ZMYND11: variants seen among roughly 807,000 people sequenced by gnomAD.
The protein encoded by ZMYND11 is zinc finger MYND-type containing 11.
Under a neutral mutation model 84.9 loss-of-function variants are expected in ZMYND11, and 9 were observed. That is an observed-to-expected ratio of 0.11 (90% CI 0.06 to 0.18). The LOEUF (loss-of-function observed/expected upper bound fraction) is 0.18. ZMYND11 is among the 10% of genes least tolerant of loss of function. The probability of loss-of-function intolerance (pLI) is 1.00; values close to 1 mark genes in which losing one functional copy is unlikely to be tolerated. For missense variants in ZMYND11, 409 were observed against 761.0 expected, an observed-to-expected ratio of 0.54 and a Z score of 5.44; for synonymous variants, 250 against 244.1, an observed-to-expected ratio of 1.02 and a Z score of -0.23.
intron 1 of ZMYND11, among the ~76,000 whole-genome samples, chr10:140,849 T>G (rs1184754722): frequency 1.3e-5 from 2 of 152,218 alleles, no homozygotes; most frequent in East Asian, 3.8e-4. Context: ...TCATTTAATG[T>G]TGGTAACATC....
intron 7 of ZMYND11, 113 bp from the exon 8 acceptor site, chr10:239,943 T>C: frequency 1.2e-6 from 1 of 801,580 alleles, no homozygotes; most frequent in Non-Finnish European, 2.0e-6. Flanking sequence ...AAATGGACAT[T>C]TTGGTTTGAA....
At chr10:133,380 C>T (rs576467855), upstream of ZMYND11, among the ~76,000 whole-genome samples, 2 of 152,178 alleles carry the variant, frequency 1.3e-5, no homozygotes, top group East Asian at 3.9e-4. Flanking sequence ...GGATAAATAC[C>T]ACCTTACTTG....
intron 2 of ZMYND11, among the ~76,000 whole-genome samples, chr10:204,686 C>G (rs1943823038): frequency 6.6e-6 from 1 of 152,004 alleles, no homozygotes; most frequent in African/African-American, 2.4e-5. Flanking sequence ...AGTATTTACT[C>G]ATTCTTGTTT....
Position 248,530 on chromosome 10 carries a change from C to A in ZMYND11, c.1422C>A (p.Ile474=). ...QSMCHDKYTK[I]FNDFKDRMKS... ...TGTGCCATGACAAATACACCAAGAT[C>A]TTCAATGACTTCAAAGACCGGATGA... The change falls in exon 13 of 15, where the codon ATC becomes ATA. Residue 474 remains isoleucine (I), a synonymous_variant. Transcript: ENST00000381604. 1 of 1,614,098 alleles carries A rather than the reference C, an allele frequency of 6.2e-7. No individual in the cohort carries two copies. Among genetic ancestry groups the A allele is most frequent in the Non-Finnish European group, 8.5e-7 (1 of 1,180,034 alleles).
chr10:141,561 T>A (rs1403435177), intron 1 of ZMYND11, among the ~76,000 whole-genome samples: 2 of 152,212 alleles, frequency 1.3e-5, no homozygotes, highest in African/African-American at 4.8e-5. Flanking sequence ...GATTTAAAAT[T>A]TATCCCAATT....
chr10:240,257 G>A, intron 8 of ZMYND11, 146 bp downstream of exon 8: 2 of 646,802 alleles, frequency 3.1e-6, no homozygotes, highest in Admixed American at 3.5e-5. Context: ...TGTAATCCCA[G>A]CACTTTGGGA....
At chr10:211,764 CTT>C (rs551213431) in intron 3 of ZMYND11, among the ~76,000 whole-genome samples, 23 of 152,268 alleles carry the variant, frequency 1.5e-4, no homozygotes, top group Non-Finnish European at 2.8e-4. Flanking sequence ...AAGTGGAAAT[CTT>C]TATATAAGAA....
intron 1 of ZMYND11, among the ~76,000 whole-genome samples, chr10:169,651 C>T (rs1314600238): frequency 1.3e-5 from 2 of 152,030 alleles, no homozygotes; most frequent in African/African-American, 4.8e-5. Flanking sequence ...CCGTAAAAAG[C>T]CTTTGGTGGG....
chr10:175,544 G>T (rs1393741596), intron 1 of ZMYND11, among the ~76,000 whole-genome samples: 4 of 152,036 alleles, frequency 2.6e-5, no homozygotes, highest in Non-Finnish European at 4.4e-5. Context: ...ACTCCAGCCT[G>T]GGTGACAAGA....
rs1387192028 is a variant in ZMYND11, at chr10:135,758, G to A, written c.-20+199G>A. Among the ~76,000 whole-genome samples, 1 of 147,622 alleles carries A rather than the reference G, an allele frequency of 6.8e-6. No homozygotes were observed. ...GGATGGCGGGGCGGGCCGGGCCGGCGGGGCCTGCGAGGGCGGCGGCGGGGC... is the reference window on the plus strand; with the variant it reads ...GGATGGCGGGGCGGGCCGGGCCGGCAGGGCCTGCGAGGGCGGCGGCGGGGC... On this transcript the variant is annotated intron_variant, in intron 1 of 14. Transcript: ENST00000381604. This position sits in a 1 kb window ranked among gnomAD's most constrained non-coding sequence, Gnocchi z 5.6.
chr10:195,631 A>G (rs964256222), intron 2 of ZMYND11, among the ~76,000 whole-genome samples: 1 of 152,232 alleles, frequency 6.6e-6, no homozygotes, highest in Non-Finnish European at 1.5e-5. Context: ...ACTGCACAGC[A>G]TGTTTTTAAG....
At chr10:191,981 T>C (rs781606019) in intron 2 of ZMYND11, among the ~76,000 whole-genome samples, 2 of 152,224 alleles carry the variant, frequency 1.3e-5, no homozygotes, top group African/African-American at 2.4e-5. Context: ...TACGTTATCT[T>C]ATTTACCCTC....
At position 159,106 on chromosome 10, in the gene ZMYND11, CATG is replaced by C. The variant is rs1426389028; in HGVS notation, c.-19-20885_-19-20883del. Among the ~76,000 whole-genome samples the C allele has an allele frequency of 1.0e-4, 14 of 140,092 alleles. No individual in the cohort carries two copies. In the Admixed American group the frequency reaches 1.0e-3, roughly 10 times the overall value. The allele number at this position is 140,092 out of a possible 152,430, so 91.9% of individuals were successfully genotyped here. ...TATTTTTTCTTTAGTTGCATTTTGA[CATG>C]ATCCCTCTTTTTTTTTTTTTCTTAA... On this transcript the variant is annotated intron_variant, in intron 1 of 14. Transcript: ENST00000381604.
chr10:153,339 T>C (rs1840877911), intron 1 of ZMYND11, among the ~76,000 whole-genome samples: 1 of 152,214 alleles, frequency 6.6e-6, no homozygotes, highest in Non-Finnish European at 1.5e-5. Context: ...AATGTTAACA[T>C]ATCATCTGTT....
At chr10:205,736 T>G (rs1944010467) in intron 2 of ZMYND11, among the ~76,000 whole-genome samples, 1 of 152,036 alleles carries the variant, frequency 6.6e-6, no homozygotes, top group African/African-American at 2.4e-5. Context: ...CTACACATTT[T>G]CTTTTTTAAC....
At chr10:215,958 C>T (rs1361133286) in intron 3 of ZMYND11, among the ~76,000 whole-genome samples, 2 of 152,122 alleles carry the variant, frequency 1.3e-5, no homozygotes, top group Non-Finnish European at 2.9e-5. Flanking sequence ...TATATATTTT[C>T]TGGCTTCTTA....
At chr10:156,365 T>TTA (rs551547311) in intron 1 of ZMYND11, among the ~76,000 whole-genome samples, 4 of 152,194 alleles carry the variant, frequency 2.6e-5, no homozygotes, top group Non-Finnish European at 5.9e-5. Context: ...CAAATAAACG[T>TTA]TACAGTTGCA....
upstream of ZMYND11, among the ~76,000 whole-genome samples, chr10:132,985 A>T (rs1313758728): frequency 6.6e-6 from 1 of 152,218 alleles, no homozygotes; most frequent in Non-Finnish European, 1.5e-5. Flanking sequence ...CTAGCACAGC[A>T]ATTAGTTACT....
chr10:171,780 A>G (rs1845378941), intron 1 of ZMYND11, among the ~76,000 whole-genome samples: 1 of 152,148 alleles, frequency 6.6e-6, no homozygotes, highest in African/African-American at 2.4e-5. Flanking sequence ...ATCATACTTA[A>G]TGGTAAGGAA....
Sources: gnomAD v4.1 joint callset for allele counts (sites outside exome capture counted in the v4.1 genomes callset) on GRCh38, gnomAD v4.1.1 for gene constraint, Gnocchi (gnomAD v3.1) non-coding constraint, MANE v1.5 for transcripts, NCBI Gene and HGNC (gene_info 2026-07-23, HGNC 2026-07-21) for gene names.